Variants in HEATR6 observed in about 807,000 individuals in gnomAD.
HEATR6 encodes HEAT repeat-containing protein 6.
In HEATR6, 106 loss-of-function variants were observed where a neutral mutation model predicts 132.8. That is an observed-to-expected ratio of 0.80 (90% CI 0.68 to 0.94). HEATR6 has a LOEUF of 0.94. Ranked by LOEUF, HEATR6 falls within the 40% of genes least tolerant of loss-of-function variation. The pLI is 0.00. For synonymous variants in HEATR6, 529 were observed against 537.8 expected, an observed-to-expected ratio of 0.98 and a Z score of 0.23; for missense variants, 1,339 against 1,425.1, an observed-to-expected ratio of 0.94 and a Z score of 0.97.
At position 60,049,645 on chromosome 17, in the gene HEATR6, G is replaced by A. The variant is rs1373679647; in HGVS notation, c.2482C>T (p.Arg828Cys). The A allele has an allele frequency of 3.7e-6, 6 of 1,613,828 alleles. No individual in the cohort carries two copies. Among genetic ancestry groups the A allele is most frequent in the Admixed American group, 1.7e-5 (1 of 60,014 alleles). Residue 828 changes from arginine (R) to cysteine (C), a missense_variant, in exon 16 of 20, where the codon CGC becomes TGC. Arg to Cys is a radical substitution (Grantham distance 180). Transcript: ENST00000184956. ...VLLGLNDSKN[R>C]LVKAATSRAL... ...CGTGAAGTTGCAGCTTTCACTAAGC[G>A]ATTCTTGCTGTCATTCAGCCCGAGC...
chr17:60,050,001 G>T (rs1031362700), intron 15 of HEATR6, among the ~76,000 whole-genome samples: 4 of 151,954 alleles, frequency 2.6e-5, no homozygotes, highest in Non-Finnish European at 4.4e-5. Flanking sequence ...GAGGACCAAA[G>T]AAAAAAAGCA....
chr17:60,078,022 G>A (rs1183409651), intron 1 of HEATR6, among the ~76,000 whole-genome samples: 2 of 152,216 alleles, frequency 1.3e-5, no homozygotes, highest in Non-Finnish European at 2.9e-5. Context: ...ATGCGTGTTT[G>A]GAGCTAATGA....
chr17:60,070,149 C>T (rs1279068956), intron 6 of HEATR6, among the ~76,000 whole-genome samples: 1 of 152,148 alleles, frequency 6.6e-6, no homozygotes, highest in East Asian at 1.9e-4. Flanking sequence ...CTTTATCTGT[C>T]TATAATTTTT....
Position 60,069,785 on chromosome 17 carries a change from G to C in HEATR6, c.865C>G (p.Pro289Ala). Reference protein sequence around the residue: ...IEMPTVLYPTPLPQYDGRTPI... With the variant: ...IEMPTVLYPTALPQYDGRTPI... ...GTTCGCCCATCATACTGAGGAAGCG[G>C]AGTTGGGTATAACACCGTGGGCATC... is the stretch of plus-strand genomic sequence containing the variant. The change falls in exon 7 of 20, where the codon CCG (proline) becomes GCG (alanine). Residue 289 changes from proline (P) to alanine (A), a missense_variant. Coordinates refer to ENST00000184956, the MANE Select transcript of HEATR6 (RefSeq NM_022070.5). 2 of 1,614,022 alleles carry C rather than the reference G, an allele frequency of 1.2e-6. No individual in the cohort carries two copies. Among genetic ancestry groups the C allele is most frequent in the Non-Finnish European group, 1.7e-6 (2 of 1,179,960 alleles).
In HEATR6 at chr17:60,060,106, C is replaced by T. The variant is rs201446532; in HGVS notation, c.1417-10G>A. The T allele has an allele frequency of 1.5e-3, 2,439 of 1,605,644 alleles. 4 individuals are homozygous for T. Among genetic ancestry groups the T allele is most frequent in the African/African-American group, 3.6e-3 (273 of 74,856 alleles). On this transcript the variant is annotated splice_polypyrimidine_tract_variant and intron_variant, in intron 9 of 19. Coordinates refer to ENST00000184956, the MANE Select transcript of HEATR6 (RefSeq NM_022070.5). ...GAGCACAGGCACGTGTCTGAAATTT[C>T]GGGATGATTCACATTGATTAGTTGA...
intron 14 of HEATR6, among the ~76,000 whole-genome samples, chr17:60,051,987 C>T (rs1271163772): frequency 6.6e-6 from 1 of 152,212 alleles, no homozygotes; most frequent in Non-Finnish European, 1.5e-5. Context: ...GTGGAAATGA[C>T]AGCACGAAAC....
Position 60,057,391 on chromosome 17 carries a change from C to A in HEATR6, c.1736G>T (p.Arg579Leu), listed in dbSNP as rs778654009. Residue 579 changes from arginine (R) to leucine (L), a missense_variant, in exon 12 of 20, where the codon CGT becomes CTT. By Grantham distance (102) the Arg-to-Leu change is moderately radical. Coordinates refer to ENST00000184956, the MANE Select transcript of HEATR6 (RefSeq NM_022070.5). ...PYIRHKDVNVRVSSLTLLGAI... is the reference protein window; with the variant it reads ...PYIRHKDVNVLVSSLTLLGAI... ...TCCCAAGAGTGTGAGACTTGACACA[C>A]GAACATTAACATCTGTCAAAGGAAG... 1.9e-6 allele frequency: 3 copies of A among 1,590,220 alleles called. No homozygotes were observed. Among genetic ancestry groups the A allele is most frequent in the East Asian group, 2.2e-5 (1 of 44,592 alleles).
At chr17:60,059,785 ATTAC>A (rs1258518558) in intron 10 of HEATR6, 101 bp downstream of exon 10, 1 of 840,338 alleles carries the variant, frequency 1.2e-6, no homozygotes, top group Non-Finnish European at 2.0e-6. Context: ...TAATAAAACT[ATTAC>A]TTAGTTATAT....
rs368883219 is a variant in HEATR6 at position 60,046,507 on chromosome 17, G to A, written c.2770-278C>T. Among the ~76,000 whole-genome samples the A allele has an allele frequency of 3.3e-5, 5 of 152,180 alleles. No homozygotes were observed. The South Asian group carries it at 6.2e-4, about 19-fold the overall frequency. On this transcript the variant is annotated intron_variant, in intron 18 of 19. Transcript: ENST00000184956. ...TTTACTGAGATGGAGTATAAGGACC[G>A]GGAACAACAGGACAAGGCTGATTGA...
chr17:60,061,221 A>C (rs1405863528), intron 9 of HEATR6, among the ~76,000 whole-genome samples: 1 of 152,220 alleles, frequency 6.6e-6, no homozygotes, highest in Non-Finnish European at 1.5e-5. Context: ...GGAGCAAAAA[A>C]GGTTTTCCCA....
intron 12 of HEATR6, 131 bp downstream of exon 12, chr17:60,056,917 C>T (rs1197179911): frequency 4.7e-6 from 3 of 633,448 alleles, no homozygotes; most frequent in South Asian, 4.3e-5. Context: ...CAATACACCA[C>T]CCATACCTAA....
rs1224436782 is a variant in HEATR6 at position 60,043,191 on chromosome 17, C to T, written c.*372G>A. On this transcript the variant is annotated 3_prime_UTR_variant, in exon 20 of 20. Coordinates refer to ENST00000184956, the MANE Select transcript of HEATR6 (RefSeq NM_022070.5). ...TGGTAACAACAGGAGATTGTGGACA[C>T]ACTATTTTTCGTTAGTTTATTACAA... 8.0e-6 allele frequency: 2 copies of T among 250,704 alleles called. No homozygotes were observed. The highest frequency in any genetic ancestry group is 4.6e-5 in the African/African-American group (2 of 43,244). 15.5% of individuals were successfully genotyped at this position (250,704 alleles called of 1,614,324 possible).
Position 60,056,198 on chromosome 17 carries a change from G to A in HEATR6, c.2119C>T (p.Gln707Ter). The A allele has an allele frequency of 6.2e-7, 1 of 1,614,044 alleles. No individual in the cohort carries two copies. The highest frequency in any genetic ancestry group is 8.5e-7 in the Non-Finnish European group (1 of 1,179,944). The change falls in exon 13 of 20, where the codon CAA (glutamine) becomes TAA (stop). Residue 707 changes from glutamine (Q) to a stop codon, truncating the protein, a stop_gained. Transcript: ENST00000184956. LOFTEE classifies it high-confidence loss of function. ...TCTCCAAGCTCCATCAAGTAGGCTTGAGTCATTGAAAAGTAGCCCCTTGCC... is the reference window on the plus strand; with the variant it reads ...TCTCCAAGCTCCATCAAGTAGGCTTAAGTCATTGAAAAGTAGCCCCTTGCC... ...LLARGYFSMT[Q>*]AYLMELGEVI...
At position 60,057,273 on chromosome 17, in the gene HEATR6, G is replaced by T; in HGVS notation, c.1854C>A (p.Thr618=). The T allele has an allele frequency of 6.2e-7, 1 of 1,614,198 alleles. No homozygotes were observed. Among genetic ancestry groups the T allele is most frequent in the Non-Finnish European group, 8.5e-7 (1 of 1,180,036 alleles). The part of the protein sequence containing the change: ...SSGLGNSNSA[T]PHLSPPDWWK... ...ACCAATCAGGAGGGCTGAGGTGAGG[G>T]GTTGCTGAATTGCTATTACCGAGTC... Residue 618 remains threonine, a synonymous_variant, in exon 12 of 20, where the codon ACC becomes ACA. Coordinates refer to ENST00000184956, the MANE Select transcript of HEATR6 (RefSeq NM_022070.5).
rs749671417 is a variant in HEATR6, at chr17:60,073,762, C to T, written c.452G>A (p.Gly151Asp). Residue 151 changes from glycine (G) to aspartate (D), a missense_variant, in exon 3 of 20, where the codon GGC (glycine) becomes GAC (aspartate). Coordinates refer to ENST00000184956, the MANE Select transcript of HEATR6 (RefSeq NM_022070.5). ...TTAAACTACCTTTTGACATTTGGAG[C>T]CATTGCAGTACACCAGAGCTGCCAG... Reference protein sequence around the residue: ...QALAALVYCNGSKCQKYLPEL... With the variant: ...QALAALVYCNDSKCQKYLPEL... 1.2e-5 allele frequency: 19 copies of T among 1,613,716 alleles called. No individual in the cohort carries two copies. The highest frequency in any genetic ancestry group is 1.7e-5 in the Admixed American group (1 of 59,928).
intron 9 of HEATR6, among the ~76,000 whole-genome samples, chr17:60,065,832 A>T (rs908933762): frequency 5.3e-5 from 8 of 152,240 alleles, no homozygotes; most frequent in Admixed American, 1.3e-4. Flanking sequence ...GCCATTATGT[A>T]CCATGATATT....
chr17:60,073,133 A>G (rs780279213), intron 4 of HEATR6, 31 bp downstream of exon 4: 11 of 1,289,242 alleles, frequency 8.5e-6, no homozygotes, highest in East Asian at 2.3e-5. Flanking sequence ...CTATCTTATT[A>G]CCATTGAGAA....
rs376016162 is a variant in HEATR6 at position 60,043,752 on chromosome 17, A to G, written c.3357T>C (p.Thr1119=). 49 of 1,614,058 alleles carry G rather than the reference A, an allele frequency of 3.0e-5. No individual in the cohort carries two copies. Among genetic ancestry groups the G allele is most frequent in the Non-Finnish European group, 3.6e-5 (43 of 1,180,040 alleles). ...FLKSGAEGDD[T]GAPHSPQERD... ...TTTCCTGTGGGCTGTGGGGTGCTCC[A>G]GTGTCATCTCCCTCTGCTCCTGATT... The change falls in exon 20 of 20, where the codon ACT becomes ACC. Residue 1119 remains threonine (T), a synonymous_variant. Transcript: ENST00000184956.
chr17:60,077,655 G>A (rs576887513), intron 1 of HEATR6, among the ~76,000 whole-genome samples: 1 of 152,274 alleles, frequency 6.6e-6, no homozygotes, highest in South Asian at 2.1e-4. Flanking sequence ...AATACGTATT[G>A]AAGACTTTTC....
Sources: gnomAD v4.1 joint callset for allele counts (sites outside exome capture counted in the v4.1 genomes callset) on GRCh38, gnomAD v4.1.1 for gene constraint, MANE v1.5 for transcripts, NCBI Gene and HGNC (gene_info 2026-07-23, HGNC 2026-07-21) for gene names.